The following NSD2 variants were observed in gnomAD, a reference collection of about 807,000 sequenced individuals.
The protein encoded by NSD2 is histone-lysine N-methyltransferase NSD2.
Under a neutral mutation model 139.0 loss-of-function variants are expected in NSD2, and 12 were observed. That is an observed-to-expected ratio of 0.09 (90% confidence interval 0.06 to 0.14). The LOEUF (loss-of-function observed/expected upper bound fraction) is 0.14, where lower values mean the gene tolerates loss of function less well. NSD2 is among the 10% of genes least tolerant of loss of function. The pLI is 1.00. For synonymous variants in NSD2, 669 were observed against 648.7 expected (o/e 1.03, Z -0.48); for missense variants, 1,155 against 1,745.0 (o/e 0.66, Z 6.02).
chr4:1,945,360 C>CTGCCCT, intron 9 of NSD2: 1 of 1,065,216 alleles, frequency 9.4e-7, no homozygotes, highest in Middle Eastern at 4.2e-4. Context: ...TGCTCCTGTG[C>CTGCCCT]TGCCCTGGCC....
intron 1 of NSD2, among the ~76,000 whole-genome samples, chr4:1,890,651 G>T (rs1715459552): frequency 6.6e-6 from 1 of 151,544 alleles, no homozygotes; most frequent in South Asian, 2.1e-4. Context: ...GCCCAGGCTG[G>T]AGTACAATGG....
At chr4:1,927,819 A>T (rs549962407) in intron 5 of NSD2, among the ~76,000 whole-genome samples, 1 of 151,266 alleles carries the variant, frequency 6.6e-6, no homozygotes, top group East Asian at 1.9e-4. Flanking sequence ...AGAGTCTCCA[A>T]TTACGTTGGC....
rs981408444 is a variant in NSD2 at position 1,952,032 on chromosome 4, C to T, written c.2014-76C>T. The T allele has an allele frequency of 6.7e-5, 103 of 1,548,774 alleles. 1 individual carries two copies. In the Admixed American group the frequency reaches 1.8e-3, roughly 28 times the overall value. ...GATTTTCTGCCACTGGAGACAGAAGCAGACGGCTTCCCTTGTGGTAAGAGG... is the reference window on the plus strand; with the variant it reads ...GATTTTCTGCCACTGGAGACAGAAGTAGACGGCTTCCCTTGTGGTAAGAGG... On this transcript the variant is annotated intron_variant, in intron 10 of 21. Coordinates refer to ENST00000508803, the MANE Select transcript of NSD2 (RefSeq NM_001042424.3).
intron 18 of NSD2, among the ~76,000 whole-genome samples, chr4:1,970,043 G>C (rs911070494): frequency 2.8e-4 from 43 of 152,174 alleles, no homozygotes; most frequent in Non-Finnish European, 5.9e-4. Context: ...AAGAGAGAAA[G>C]AAGGAATGTA....
chr4:1,921,935 G>A (rs1460149547), intron 5 of NSD2, among the ~76,000 whole-genome samples: 1 of 152,052 alleles, frequency 6.6e-6, no homozygotes, highest in African/African-American at 2.4e-5. Context: ...ATTACTTGAG[G>A]TTAGGAGTTC....
chr4:1,977,925 G>A (rs894809367), intron 21 of NSD2, among the ~76,000 whole-genome samples: 1 of 152,060 alleles, frequency 6.6e-6, no homozygotes, highest in East Asian at 1.9e-4. Context: ...TCAGGAATTC[G>A]AGAGCAGCCT....
In NSD2 at chr4:1,955,572, C is replaced by T. The variant is rs1446047680; in HGVS notation, c.2519-121C>T. 9.2e-6 allele frequency: 12 copies of T among 1,307,372 alleles called. No individual in the cohort carries two copies. The highest frequency in any genetic ancestry group is 2.5e-5 in the East Asian group (1 of 39,328). The allele number at this position is 1,307,372 out of a possible 1,614,324, so 81.0% of individuals were successfully genotyped here. A position where few individuals can be genotyped will look rare whatever the true frequency, so the allele number is the denominator to read the frequency against. On this transcript the variant is annotated intron_variant, in intron 13 of 21. Transcript: ENST00000508803. This position sits in a 1 kb window ranked among gnomAD's most constrained non-coding sequence, Gnocchi z 4.7. ...TTTGCTCTCGTGCTGATGTACAGAT[C>T]GCTGTTTTAAAACTGATGTTTATAA... is the stretch of plus-strand genomic sequence containing the variant.
In NSD2 at chr4:1,930,668, G is replaced by T. The variant is rs1465546689; in HGVS notation, c.1453G>T (p.Glu485Ter). 1.2e-6 allele frequency: 2 copies of T among 1,613,716 alleles called. No individual in the cohort carries two copies. The highest frequency in any genetic ancestry group is 8.5e-7 in the Non-Finnish European group (1 of 1,179,818). The change falls in exon 6 of 22, where the codon GAG (glutamate) becomes TAG (stop). Residue 485 changes from glutamate to a stop codon, truncating the protein, a stop_gained. Coordinates refer to ENST00000508803, the MANE Select transcript of NSD2 (RefSeq NM_001042424.3). LOFTEE classifies it high-confidence loss of function. Reference sequence around the variant, plus strand: ...AGATGCTTCAGGTGAGGAGATTGAAGAGCTGCTCAGGTCACAGTGGAGTCT... The same window carrying T: ...AGATGCTTCAGGTGAGGAGATTGAATAGCTGCTCAGGTCACAGTGGAGTCT... Reference protein sequence around the residue: ...HPDASGEEIEELLRSQWSLLS... With the variant: ...HPDASGEEIE
intron 1 of NSD2, among the ~76,000 whole-genome samples, chr4:1,891,135 C>G (rs1715504392): frequency 6.6e-6 from 1 of 152,166 alleles, no homozygotes; most frequent in Admixed American, 6.5e-5. Context: ...CTCAAGCAAT[C>G]CTTCTGCCTT....
intron 18 of NSD2, among the ~76,000 whole-genome samples, chr4:1,970,630 C>A (rs977714873): frequency 6.6e-6 from 1 of 152,142 alleles, no homozygotes; most frequent in African/African-American, 2.4e-5. Context: ...GCCAGAGCCG[C>A]TGAGTCAGGT....
At position 1,955,135 on chromosome 4, in the gene NSD2, C is replaced by CT; in HGVS notation, c.2339-24dup. 6.3e-7 allele frequency: 1 copy of CT among 1,585,982 alleles called. No individual in the cohort carries two copies. On this transcript the variant is annotated intron_variant, in intron 12 of 21. Coordinates refer to ENST00000508803, the MANE Select transcript of NSD2 (RefSeq NM_001042424.3). This position sits in a 1 kb window ranked among gnomAD's most constrained non-coding sequence, Gnocchi z 4.7. ...ATGACTGGAGTCAGTGTTTGGGGTC[C>CT]TTAGGGTGTGTTTCTTTGCCTTCAG...
chr4:1,871,678 G>A (rs1245495199), intron 1 of NSD2, 136 bp downstream of exon 1: 1 of 149,362 alleles, frequency 6.7e-6, no homozygotes, highest in Non-Finnish European at 1.5e-5. Flanking sequence ...CGGGAGGAGT[G>A]GGGGCACTGA....
intron 1 of NSD2, among the ~76,000 whole-genome samples, chr4:1,884,629 C>G (rs541666118): frequency 3.8e-4 from 57 of 151,876 alleles, no homozygotes; most frequent in Non-Finnish European, 6.9e-4. Flanking sequence ...CCTGACCTCA[C>G]GATCTGCCTG....
intron 5 of NSD2, among the ~76,000 whole-genome samples, chr4:1,920,759 T>C (rs2108813435): frequency 6.6e-6 from 1 of 151,490 alleles, no homozygotes; most frequent in African/African-American, 2.4e-5. Context: ...AAAGGCCGAG[T>C]GTGGCAGCTC....
At chr4:1,933,977 C>CT (rs1721995762) in intron 6 of NSD2, among the ~76,000 whole-genome samples, 1 of 151,468 alleles carries the variant, frequency 6.6e-6, no homozygotes, top group African/African-American at 2.4e-5. Flanking sequence ...TGTGTTACTA[C>CT]TTAACATGTT....
chr4:1,885,124 A>T (rs528731821), intron 1 of NSD2, among the ~76,000 whole-genome samples: 11 of 128,404 alleles, frequency 8.6e-5, no homozygotes, highest in East Asian at 5.8e-4. Flanking sequence ...AAAAAAAAAT[A>T]AAAATAAAAA....
chr4:1,923,504 T>TG (rs1720442496), intron 5 of NSD2, among the ~76,000 whole-genome samples: 1 of 152,126 alleles, frequency 6.6e-6, no homozygotes, highest in South Asian at 2.1e-4. Flanking sequence ...ACGATCCTGG[T>TG]GGGATGGTCC....
At chr4:1,939,627 AC>A in intron 8 of NSD2, 26 bp from the exon 9 acceptor site, 1 of 1,612,432 alleles carries the variant, frequency 6.2e-7, no homozygotes, top group Non-Finnish European at 8.5e-7. Flanking sequence ...ATGATTTGAA[AC>A]TTTACAAACC....
chr4:1,880,733 G>T (rs1714638215), intron 1 of NSD2, among the ~76,000 whole-genome samples: 1 of 152,094 alleles, frequency 6.6e-6, no homozygotes, highest in Admixed American at 6.6e-5. Context: ...GAGAAATGTG[G>T]GAAACTATAA....
Sources: gnomAD v4.1 joint callset for allele counts (sites outside exome capture counted in the v4.1 genomes callset) on GRCh38, gnomAD v4.1.1 for gene constraint, Gnocchi (gnomAD v3.1) non-coding constraint, MANE v1.5 for transcripts, NCBI Gene and HGNC (gene_info 2026-07-23, HGNC 2026-07-21) for gene names.